MRPS28: variants seen among roughly 807,000 people sequenced by gnomAD.
MRPS28 encodes small ribosomal subunit protein bS1m.
In MRPS28, 7 loss-of-function variants were observed where a neutral mutation model predicts 10.8. That is an observed-to-expected ratio of 0.65 (90% CI 0.37 to 1.22). The LOEUF (loss-of-function observed/expected upper bound fraction) is 1.22. Among genes scored for constraint, MRPS28 ranks in the 50% most tolerant of loss-of-function variants. MRPS28 has a pLI of 0.02. For missense variants in MRPS28, 265 were observed against 232.9 expected (o/e 1.14, Z -0.90); for synonymous variants, 121 against 93.3 (o/e 1.30, Z -1.71).
intron 2 of MRPS28, among the ~76,000 whole-genome samples, chr8:79,972,251 G>A (rs114534314): frequency 0.023 from 3,523 of 152,290 alleles, 147 homozygotes; most frequent in African/African-American, 0.079. Context: ...GAGAATGTGT[G>A]TAAGTATACC....
chr8:80,003,892 G>A (rs1259027234), intron 1 of MRPS28, among the ~76,000 whole-genome samples: 2 of 152,202 alleles, frequency 1.3e-5, no homozygotes, highest in East Asian at 3.9e-4. Context: ...CTCATTGCTA[G>A]CACAGCAGTC....
chr8:80,023,958 G>C (rs1283199477), intron 1 of MRPS28, among the ~76,000 whole-genome samples: 2 of 152,222 alleles, frequency 1.3e-5, no homozygotes. Context: ...GCCTGGTGTG[G>C]TGGCTCACAC....
chr8:80,005,404 A>G (rs1007834497), intron 1 of MRPS28, among the ~76,000 whole-genome samples: 1 of 152,168 alleles, frequency 6.6e-6, no homozygotes, highest in Non-Finnish European at 1.5e-5. Flanking sequence ...TAAGTGAAGG[A>G]GAAATAAAAT....
intron 1 of MRPS28, among the ~76,000 whole-genome samples, chr8:80,004,058 G>A (rs956091845): frequency 2.0e-5 from 3 of 152,178 alleles, no homozygotes; most frequent in Admixed American, 6.5e-5. Flanking sequence ...CCACCTCTGG[G>A]GGCAGGGCAT....
intron 1 of MRPS28, among the ~76,000 whole-genome samples, chr8:80,008,784 G>A (rs1808942151): frequency 6.6e-6 from 1 of 152,230 alleles, no homozygotes; most frequent in African/African-American, 2.4e-5. Flanking sequence ...AACAGGTACT[G>A]GAGAGGATGT....
intron 2 of MRPS28, among the ~76,000 whole-genome samples, chr8:79,994,105 A>G (rs543649371): frequency 1.4e-4 from 21 of 152,336 alleles, no homozygotes; most frequent in South Asian, 8.3e-4. Context: ...ACACATTAGT[A>G]AACGGACTTT....
chr8:80,004,272 C>A (rs569561932), intron 1 of MRPS28, among the ~76,000 whole-genome samples: 1 of 152,314 alleles, frequency 6.6e-6, no homozygotes, highest in Non-Finnish European at 1.5e-5. Flanking sequence ...CAGCCGGGTA[C>A]CCCTCTGAGA....
chr8:79,978,939 C>T (rs1807874814), intron 2 of MRPS28, among the ~76,000 whole-genome samples: 1 of 152,068 alleles, frequency 6.6e-6, no homozygotes. Context: ...CAGAAATTCT[C>T]TGAAACAAAC....
At chr8:79,921,692 T>TG (rs1810098936) in intron 2 of MRPS28, among the ~76,000 whole-genome samples, 1 of 152,106 alleles carries the variant, frequency 6.6e-6, no homozygotes, top group Non-Finnish European at 1.5e-5. Flanking sequence ...GCTGAGACAA[T>TG]GGGGTTTTCT....
In MRPS28 at chr8:80,003,172, T is replaced by C. The variant is rs780171082; in HGVS notation, c.222A>G (p.Pro74=). The C allele has an allele frequency of 3.2e-6, 5 of 1,581,032 alleles. No homozygotes were observed. Among genetic ancestry groups the C allele is most frequent in the Non-Finnish European group, 4.3e-6 (5 of 1,169,056 alleles). ...TAGATGCAAAGGATTCCACATTTTT[T>C]GGAGAACCCTAAATATGAAAAGAGA... ...QKVEPLQKGS[P]KNVESFASML... The change falls in exon 2 of 3, where the codon CCA becomes CCG. Residue 74 remains proline, a synonymous_variant. Transcript: ENST00000276585.
chr8:79,998,054 CAAAA>C (rs35716562), intron 2 of MRPS28, among the ~76,000 whole-genome samples: 1 of 131,074 alleles, frequency 7.6e-6, no homozygotes, highest in Non-Finnish European at 1.6e-5. Context: ...GACTCTGTCT[CAAAA>C]AAAAAAAAAA....
chr8:79,988,085 T>G (rs1235781151), intron 2 of MRPS28, among the ~76,000 whole-genome samples: 4 of 151,942 alleles, frequency 2.6e-5, no homozygotes, highest in Middle Eastern at 3.4e-3. Flanking sequence ...TGGAATACTA[T>G]GCAGCCATAA....
chr8:80,028,071 T>C (rs1233894775), intron 1 of MRPS28, among the ~76,000 whole-genome samples: 1 of 152,234 alleles, frequency 6.6e-6, no homozygotes, highest in African/African-American at 2.4e-5. Context: ...TTCTGGGGAC[T>C]CTAAAACACC....
At chr8:79,969,880 G>A (rs1393387908) in intron 2 of MRPS28, among the ~76,000 whole-genome samples, 2 of 152,112 alleles carry the variant, frequency 1.3e-5, no homozygotes, top group African/African-American at 2.4e-5. Context: ...ATTAGCTATT[G>A]AAACAAAATA....
At chr8:79,993,699 A>C (rs1361457248) in intron 2 of MRPS28, among the ~76,000 whole-genome samples, 1 of 152,212 alleles carries the variant, frequency 6.6e-6, no homozygotes, top group East Asian at 1.9e-4. Context: ...AATGATTTTA[A>C]ATCACCAACC....
rs375341645 is a variant in MRPS28 at position 80,019,995 on chromosome 8, G to A, written c.213+10041C>T. The stretch of plus-strand genomic sequence containing the variant: ...AGCTTGGTTTTATACAATTTAGGGA[G>A]ACATGAGACATCAATCAATACGTGT... On this transcript the variant is annotated intron_variant, in intron 1 of 2. Coordinates refer to ENST00000276585, the MANE Select transcript of MRPS28 (RefSeq NM_014018.3). Among the ~76,000 whole-genome samples, 80 of 152,276 alleles carry A rather than the reference G, an allele frequency of 5.3e-4. 1 individual carries two copies. Among genetic ancestry groups the A allele is most frequent in the African/African-American group, 1.9e-3 (78 of 41,552 alleles).
At chr8:79,948,777 C>G (rs968860769) in intron 2 of MRPS28, among the ~76,000 whole-genome samples, 4 of 151,908 alleles carry the variant, frequency 2.6e-5, no homozygotes, top group Non-Finnish European at 4.4e-5. Context: ...TTTTTTTTCA[C>G]AAGTTAAACC....
At chr8:79,963,579 A>C (rs1807426027) in intron 2 of MRPS28, among the ~76,000 whole-genome samples, 2 of 152,170 alleles carry the variant, frequency 1.3e-5, no homozygotes, top group Non-Finnish European at 2.9e-5. Flanking sequence ...TAGCAGGCAC[A>C]GACTTAGGTC....
At chr8:80,005,504 A>C (rs1469909058) in intron 1 of MRPS28, among the ~76,000 whole-genome samples, 1 of 152,220 alleles carries the variant, frequency 6.6e-6, no homozygotes, top group African/African-American at 2.4e-5. Flanking sequence ...CATGGAAAGG[A>C]ACAACCGGTA....
Sources: gnomAD v4.1 joint callset for allele counts (sites outside exome capture counted in the v4.1 genomes callset) on GRCh38, gnomAD v4.1.1 for gene constraint, MANE v1.5 for transcripts, NCBI Gene and HGNC (gene_info 2026-07-23, HGNC 2026-07-21) for gene names.